ZNF354A: variants seen among roughly 807,000 people sequenced by gnomAD.
ZNF354A encodes epididymis luminal protein 104.
ZNF354A carries 25 observed loss-of-function variants against 53.3 expected under a neutral mutation model. The observed-to-expected ratio is 0.47, with a 90% CI of 0.34 to 0.66. ZNF354A has a LOEUF of 0.66. Among genes scored for constraint, ZNF354A ranks in the 30% least tolerant of loss-of-function variants. The probability of loss-of-function intolerance (pLI) is 0.01; values close to 1 mark genes in which losing one functional copy is unlikely to be tolerated. For missense variants in ZNF354A, 586 were observed against 716.8 expected (o/e 0.82, Z 2.08); for synonymous variants, 228 against 249.0 (o/e 0.92, Z 0.79).
At chr5:178,728,509 G>A (rs890292955) in intron 2 of ZNF354A, among the ~76,000 whole-genome samples, 7 of 151,982 alleles carry the variant, frequency 4.6e-5, no homozygotes, top group African/African-American at 1.5e-4. Context: ...ATTTATTCGG[G>A]CTGGGTGCAG....
rs1765886775 is a variant in ZNF354A, at chr5:178,725,419, A to T, written c.213T>A (p.Asp71Glu). 1 of 1,614,090 alleles carries T rather than the reference A, an allele frequency of 6.2e-7. No homozygotes were observed. The highest frequency in any genetic ancestry group is 1.7e-5 in the Admixed American group (1 of 60,010). Residue 71 changes from aspartate to glutamate, a missense_variant, in exon 4 of 5, where the codon GAT (aspartate) becomes GAA (glutamate). Physicochemically the swap from Asp to Glu is conservative, Grantham distance 45. Coordinates refer to ENST00000335815, the MANE Select transcript of ZNF354A (RefSeq NM_005649.3). The part of the protein sequence containing the change: ...KVISLLQQGE[D>E]PWEVEKDGSG... ...AACCGTCTTTCTCCACCTCCCAGGG[A>T]TCTTCTCCTTGCTGCAACAGGGAGA...
At chr5:178,726,626 G>A (rs1316687461) in intron 3 of ZNF354A, among the ~76,000 whole-genome samples, 1 of 152,152 alleles carries the variant, frequency 6.6e-6, no homozygotes, top group Non-Finnish European at 1.5e-5. Flanking sequence ...GTAAAAGTTT[G>A]CTAATCCCTG....
intron 1 of ZNF354A, among the ~76,000 whole-genome samples, chr5:178,730,199 C>T (rs1397226131): frequency 6.6e-6 from 1 of 152,162 alleles, no homozygotes; most frequent in African/African-American, 2.4e-5. Flanking sequence ...CGCTGGGTGT[C>T]CCGAGGCGGG....
intron 4 of ZNF354A, among the ~76,000 whole-genome samples, chr5:178,724,259 C>T (rs1765863854): frequency 6.6e-6 from 1 of 150,786 alleles, no homozygotes; most frequent in Non-Finnish European, 1.5e-5. Flanking sequence ...GAGTCTCACT[C>T]TGTCGCCAAG....
In ZNF354A at chr5:178,713,606, T is replaced by C. The variant is rs910169495; in HGVS notation, c.272A>G (p.His91Arg). Residue 91 changes from histidine to arginine, a missense_variant, in exon 5 of 5, where the codon CAT (histidine) becomes CGT (arginine). By Grantham distance (29) the His-to-Arg change is conservative. Coordinates refer to ENST00000335815, the MANE Select transcript of ZNF354A (RefSeq NM_005649.3). ...TGTTTGCGTTGACTTTGTGGTTTTATGACTGCTCTTCGATCCTGGAGGGAA... is the reference window on the plus strand; with the variant it reads ...TGTTTGCGTTGACTTTGTGGTTTTACGACTGCTCTTCGATCCTGGAGGGAA... ...GVSSLGSKSS[H>R]KTTKSTQTQD... The C allele has an allele frequency of 3.8e-6, 6 of 1,565,496 alleles. No individual in the cohort carries two copies. The highest frequency in any genetic ancestry group is 2.8e-5 in the African/African-American group (2 of 72,426).
chr5:178,726,086 C>G (rs1047143302), intron 3 of ZNF354A: 9 of 436,820 alleles, frequency 2.1e-5, no homozygotes, highest in Non-Finnish European at 3.7e-5. Context: ...TTGTGATCTG[C>G]CCGCCTCGGC....
rs746801335 is a variant in ZNF354A, at chr5:178,713,418, T to C, written c.460A>G (p.Thr154Ala). The C allele has an allele frequency of 6.2e-7, 1 of 1,613,248 alleles. No homozygotes were observed. The highest frequency in any genetic ancestry group is 1.1e-5 in the South Asian group (1 of 90,982). Reference protein sequence around the residue: ...IVSATHKKIPTIERSHKNTEL... With the variant: ...IVSATHKKIPAIERSHKNTEL... ...GTATTTTTATGGCTTCTTTCTATAG[T>C]GGGGATTTTTTTGTGGGTGGCTGAA... is the stretch of plus-strand genomic sequence containing the variant. Residue 154 changes from threonine (T) to alanine (A), a missense_variant, in exon 5 of 5, where the codon ACT becomes GCT. Coordinates refer to ENST00000335815, the MANE Select transcript of ZNF354A (RefSeq NM_005649.3).
chr5:178,725,496 C>T (rs1292393633), intron 3 of ZNF354A, 25 bp from the exon 4 acceptor site: 30 of 1,607,518 alleles, frequency 1.9e-5, no homozygotes, highest in Non-Finnish European at 2.6e-5. Flanking sequence ...AAAACCACAA[C>T]CAAACAAATC....
At chr5:178,720,444 T>G (rs1210074420) in intron 4 of ZNF354A, among the ~76,000 whole-genome samples, 1 of 152,154 alleles carries the variant, frequency 6.6e-6, no homozygotes, top group African/African-American at 2.4e-5. Flanking sequence ...GACACAGGCA[T>G]CCAGAAGGAA....
At chr5:178,730,037 T>C (rs980860270) in intron 1 of ZNF354A, among the ~76,000 whole-genome samples, 2 of 151,938 alleles carry the variant, frequency 1.3e-5, no homozygotes, top group Non-Finnish European at 2.9e-5. Context: ...CTAATTTTTT[T>C]TGTATTTTTA....
intron 1 of ZNF354A, among the ~76,000 whole-genome samples, chr5:178,729,669 C>T (rs1009542998): frequency 4.6e-5 from 7 of 152,108 alleles, no homozygotes; most frequent in African/African-American, 7.2e-5. Flanking sequence ...AGCCATTCTC[C>T]TGCCTCAGCC....
chr5:178,720,120 A>G (rs1197118091), intron 4 of ZNF354A, among the ~76,000 whole-genome samples: 4 of 152,218 alleles, frequency 2.6e-5, no homozygotes, highest in Non-Finnish European at 5.9e-5. Flanking sequence ...AAGCTGTTTT[A>G]GAAATGTTGT....
chr5:178,728,003 A>G (rs1287117048), intron 2 of ZNF354A, among the ~76,000 whole-genome samples: 1 of 152,160 alleles, frequency 6.6e-6, no homozygotes, highest in African/African-American at 2.4e-5. Context: ...GGTGCTAGAC[A>G]CCATGCCCGG....
chr5:178,728,799 A>AAAAAAAG (rs1554094807), intron 2 of ZNF354A, among the ~76,000 whole-genome samples, 191 bp downstream of exon 2: 2 of 145,870 alleles, frequency 1.4e-5, no homozygotes, highest in Non-Finnish European at 3.0e-5. Context: ...AAAAAAAAAA[A>AAAAAAAG]AGAGAACCAC....
In ZNF354A at chr5:178,725,510, C is replaced by T. The variant is rs775747978; in HGVS notation, c.161-39G>A. 3.1e-6 allele frequency: 5 copies of T among 1,596,310 alleles called. No individual in the cohort carries two copies. In the South Asian group the frequency reaches 5.5e-5, roughly 18 times the overall value. Reference sequence around the variant, plus strand: ...AAAAACCACAACCAAACAAATCAGACTTGGTTTTGTATTGATACAGTTATC... The same window carrying T: ...AAAAACCACAACCAAACAAATCAGATTTGGTTTTGTATTGATACAGTTATC... On this transcript the variant is annotated intron_variant, in intron 3 of 4. Coordinates refer to ENST00000335815, the MANE Select transcript of ZNF354A (RefSeq NM_005649.3).
intron 3 of ZNF354A, chr5:178,725,991 G>A (rs924072596): frequency 6.2e-6 from 2 of 323,336 alleles, no homozygotes; most frequent in Non-Finnish European, 1.2e-5. Flanking sequence ...GGGACTACAG[G>A]AACATGCCAC....
rs991548661 is a variant in ZNF354A at position 178,726,901 on chromosome 5, G to A, written c.160+98C>T. 3 of 1,500,464 alleles carry A rather than the reference G, an allele frequency of 2.0e-6. No homozygotes were observed. The African/African-American group carries it at 4.2e-5, about 21-fold the overall frequency. The allele number at this position is 1,500,464 out of a possible 1,614,324, so 92.9% of individuals were successfully genotyped here. A position where few individuals can be genotyped will look rare whatever the true frequency, so the allele number is the denominator to read the frequency against. On this transcript the variant is annotated intron_variant, in intron 3 of 4. Coordinates refer to ENST00000335815, the MANE Select transcript of ZNF354A (RefSeq NM_005649.3). ...GATTTGTACAATCCTCACACACTCA[G>A]CTCAAATTTTTCAGTGACCAACCGC... is the stretch of plus-strand genomic sequence containing the variant.
intron 4 of ZNF354A, among the ~76,000 whole-genome samples, chr5:178,717,206 G>A (rs1209548963): frequency 2.0e-5 from 3 of 152,126 alleles, no homozygotes; most frequent in Non-Finnish European, 4.4e-5. Flanking sequence ...AGCCACTGGG[G>A]AATTATGTGT....
At chr5:178,729,838 C>A (rs552108400) in intron 1 of ZNF354A, among the ~76,000 whole-genome samples, 1 of 151,082 alleles carries the variant, frequency 6.6e-6, no homozygotes, top group Non-Finnish European at 1.5e-5. Context: ...TGAGCCACCA[C>A]GCCCGACCCC....
Sources: gnomAD v4.1 joint callset for allele counts (sites outside exome capture counted in the v4.1 genomes callset) on GRCh38, gnomAD v4.1.1 for gene constraint, MANE v1.5 for transcripts, NCBI Gene and HGNC (gene_info 2026-07-23, HGNC 2026-07-21) for gene names.